The following MEAK7 variants were observed in gnomAD, a reference collection of about 807,000 sequenced individuals.
The protein encoded by MEAK7 is MTOR-associated protein MEAK7.
MEAK7 carries 68 observed loss-of-function variants against 40.5 expected under a neutral mutation model. The observed-to-expected ratio is 1.68, with a 90% CI of 1.38 to 2.06. The LOEUF is 2.06. Among genes scored for constraint, MEAK7 ranks in the 30% most tolerant of loss-of-function variants. The pLI is 0.00. For synonymous variants in MEAK7, 338 were observed against 231.9 expected (o/e 1.46, Z -4.16); for missense variants, 918 against 580.5 (o/e 1.58, Z -5.98).
At chr16:84,490,654 ATGTGTGTGTGTGTGTGTG>A (rs35489449) in intron 3 of MEAK7, among the ~76,000 whole-genome samples, 2 of 137,532 alleles carry the variant, frequency 1.5e-5, no homozygotes, top group African/African-American at 2.8e-5. Flanking sequence ...GCTAATCAAG[ATGTGTGTGTGTGTGTGTG>A]TGTGTGTGTG....
intron 3 of MEAK7, chr16:84,494,612 T>C (rs1261266479): frequency 1.2e-5 from 4 of 335,138 alleles, no homozygotes; most frequent in South Asian, 2.4e-5. Context: ...ATATGGCCTA[T>C]ATGAGTTTTC....
chr16:84,492,624 C>T (rs1246245352), intron 3 of MEAK7, among the ~76,000 whole-genome samples: 1 of 136,718 alleles, frequency 7.3e-6, no homozygotes, highest in African/African-American at 2.5e-5. Context: ...CTCTGTCACC[C>T]AGGCTAGAGT....
intron 4 of MEAK7, chr16:84,487,756 C>T (rs1443600309): frequency 1.3e-5 from 2 of 152,248 alleles, no homozygotes; most frequent in Non-Finnish European, 2.9e-5. Context: ...GGAGCACACA[C>T]CTGGGACTCG....
rs369859163 is a variant in MEAK7, at chr16:84,498,832, AC to A, written c.-25-722del. 2.9e-4 allele frequency among the ~76,000 whole-genome samples: 44 copies of A among 152,338 alleles called. No individual in the cohort carries two copies. In the East Asian group the frequency reaches 7.7e-3, roughly 27 times the overall value. On this transcript the variant is annotated intron_variant, in intron 1 of 7. Transcript: ENST00000343629. ...CAATCACCTGTATTTGAATAAACTC[AC>A]CTTGAGAATACTGCTACACACTAGT...
At chr16:84,489,498 G>A in intron 3 of MEAK7, 76 bp from the exon 4 acceptor site, 1 of 1,489,810 alleles carries the variant, frequency 6.7e-7, no homozygotes. Context: ...CATGGAGAAG[G>A]GCAATTTTCT....
At chr16:84,497,704 A>C in intron 2 of MEAK7, 1 of 1,426,594 alleles carries the variant, frequency 7.0e-7, no homozygotes, top group Non-Finnish European at 9.5e-7. Flanking sequence ...GCGTTTAGAC[A>C]CTGTCTATGG....
chr16:84,498,262 G>C (rs1914219930), intron 1 of MEAK7, among the ~76,000 whole-genome samples, 151 bp from the exon 2 acceptor site: 1 of 152,068 alleles, frequency 6.6e-6, no homozygotes. Flanking sequence ...CTGGGTTTTG[G>C]GTTTTGTTTT....
chr16:84,501,356 G>A (rs1914491807), intron 1 of MEAK7, among the ~76,000 whole-genome samples: 1 of 152,092 alleles, frequency 6.6e-6, no homozygotes, highest in South Asian at 2.1e-4. Context: ...GAGGGCTGCA[G>A]CAGAAGGGGG....
chr16:84,483,714 G>A (rs1567489079), intron 5 of MEAK7, among the ~76,000 whole-genome samples: 1 of 152,186 alleles, frequency 6.6e-6, no homozygotes, highest in Non-Finnish European at 1.5e-5. Context: ...GGGGGCCTCT[G>A]CCATCAGGGT....
chr16:84,486,868 C>A lies in MEAK7; in HGVS notation c.721G>T (p.Gly241Cys). 1 of 1,614,162 alleles carries A rather than the reference C, an allele frequency of 6.2e-7. No homozygotes were observed. The highest frequency in any genetic ancestry group is 8.5e-7 in the Non-Finnish European group (1 of 1,180,040). The change falls in exon 5 of 8, where the codon GGT becomes TGT. Residue 241 changes from glycine (G) to cysteine (C), a missense_variant. Coordinates refer to ENST00000343629, the MANE Select transcript of MEAK7 (RefSeq NM_020947.4). ...VPERQVDQGRGFESILDVLSV... is the reference protein window; with the variant it reads ...VPERQVDQGRCFESILDVLSV... ...AGGACATCCAGGATGCTCTCAAAAC[C>A]CCTGCCCTGGTCCACTTGACGCTCA...
chr16:84,497,419 A>C, intron 2 of MEAK7: 1 of 1,286,890 alleles, frequency 7.8e-7, no homozygotes, highest in Non-Finnish European at 1.0e-6. Context: ...AAACACATAC[A>C]CATTCTAGAG....
intron 3 of MEAK7, among the ~76,000 whole-genome samples, chr16:84,490,403 C>T (rs1359127529): frequency 2.1e-5 from 3 of 145,504 alleles, no homozygotes; most frequent in East Asian, 2.1e-4. Context: ...CCCAGGGCAG[C>T]GGCCCACACT....
chr16:84,482,986 G>C (rs1912712255), intron 5 of MEAK7, among the ~76,000 whole-genome samples: 2 of 152,326 alleles, frequency 1.3e-5, no homozygotes, highest in African/African-American at 4.8e-5. Flanking sequence ...CTGTCTGCTG[G>C]AATCAGTTCA....
chr16:84,489,912 G>A (rs1283785701), intron 3 of MEAK7, among the ~76,000 whole-genome samples: 3 of 152,200 alleles, frequency 2.0e-5, no homozygotes, highest in Non-Finnish European at 4.4e-5. Flanking sequence ...ACAGGGAAGG[G>A]GAATTGGAGG....
intron 6 of MEAK7, among the ~76,000 whole-genome samples, chr16:84,481,759 C>G (rs1467796468): frequency 6.6e-6 from 1 of 152,064 alleles, no homozygotes; most frequent in African/African-American, 2.4e-5. Context: ...TGGTGAAACC[C>G]CGTCTCTACT....
At chr16:84,484,435 A>G (rs939433041) in intron 5 of MEAK7, among the ~76,000 whole-genome samples, 21 of 152,144 alleles carry the variant, frequency 1.4e-4, no homozygotes, top group Admixed American at 5.9e-4. Context: ...AAATGAATCA[A>G]TCACCTTGCC....
chr16:84,500,569 G>A (rs1411768838), intron 1 of MEAK7, among the ~76,000 whole-genome samples: 1 of 152,186 alleles, frequency 6.6e-6, no homozygotes, highest in Non-Finnish European at 1.5e-5. Flanking sequence ...GGAAGGGGAT[G>A]GGGGTGCACT....
Position 84,497,980 on chromosome 16 carries a change from T to C in MEAK7, c.107A>G (p.Asn36Ser), listed in dbSNP as rs1186239032. ...QLFDALSSDK[N>S]SPNVSSKSFS... ...GGATTTGGATGAGACATTCGGGCTG[T>C]TTTTATCTGATGACAGAGCATCAAA... Residue 36 changes from asparagine to serine, a missense_variant, in exon 2 of 8, where the codon AAC becomes AGC. By Grantham distance (46) the Asn-to-Ser change is conservative. Coordinates refer to ENST00000343629, the MANE Select transcript of MEAK7 (RefSeq NM_020947.4). 2 of 1,614,064 alleles carry C rather than the reference T, an allele frequency of 1.2e-6. No individual in the cohort carries two copies. Among genetic ancestry groups the C allele is most frequent in the African/African-American group, 2.7e-5 (2 of 74,922 alleles).
At chr16:84,504,250 C>A (rs922693805) in intron 1 of MEAK7, 2 of 745,500 alleles carry the variant, frequency 2.7e-6, no homozygotes, top group Non-Finnish European at 3.3e-6. Flanking sequence ...GGAGGCACCC[C>A]TCCCTTTCCG....
Sources: allele counts gnomAD v4.1 joint callset (sites outside exome capture counted in the v4.1 genomes callset), GRCh38; gene constraint gnomAD v4.1.1; transcripts MANE v1.5; gene names NCBI Gene and HGNC (gene_info 2026-07-23, HGNC 2026-07-21).